The following ESRRB variants were observed in gnomAD, a reference collection of about 807,000 sequenced individuals.
ESRRB encodes steroid hormone receptor ERR2.
Under a neutral mutation model 46.0 loss-of-function variants are expected in ESRRB, and 16 were observed. The observed-to-expected ratio is 0.35, with a 90% CI of 0.24 to 0.53. ESRRB has a LOEUF of 0.53. ESRRB is among the 20% of genes least tolerant of loss of function. The pLI, the probability that ESRRB is intolerant of heterozygous loss-of-function variation, is 0.93. For missense variants in ESRRB, 488 were observed against 607.4 expected, an observed-to-expected ratio of 0.80 and a Z score of 2.07; for synonymous variants, 246 against 259.6, an observed-to-expected ratio of 0.95 and a Z score of 0.50.
chr14:76,333,440 GATATATAAGTATATC>G (rs1345947180), intron 1 of ESRRB, among the ~76,000 whole-genome samples: 1 of 87,736 alleles, frequency 1.1e-5, no homozygotes, highest in African/African-American at 5.6e-5. Flanking sequence ...ATTTATATAT[GATATATAAGTATATC>G]ATATATAAAT....
intron 1 of ESRRB, among the ~76,000 whole-genome samples, chr14:76,312,478 G>A (rs1049158209): frequency 2.0e-5 from 3 of 151,566 alleles, no homozygotes; most frequent in African/African-American, 7.3e-5. Context: ...GAAGGCAAAC[G>A]TCCCATGTTC....
At chr14:76,329,865 G>A (rs1262674299) in intron 1 of ESRRB, among the ~76,000 whole-genome samples, 1 of 152,064 alleles carries the variant, frequency 6.6e-6, no homozygotes, top group Non-Finnish European at 1.5e-5. Flanking sequence ...CAGCGGCTAG[G>A]GATGTGCGGG....
At chr14:76,462,880 C>G (rs1303511548) in intron 3 of ESRRB, among the ~76,000 whole-genome samples, 2 of 152,142 alleles carry the variant, frequency 1.3e-5, no homozygotes, top group African/African-American at 4.8e-5. Context: ...AGGATCCTTC[C>G]GAACCCCTGA....
At chr14:76,336,644 C>T (rs565700185) in intron 1 of ESRRB, among the ~76,000 whole-genome samples, 2 of 152,258 alleles carry the variant, frequency 1.3e-5, no homozygotes, top group Admixed American at 6.5e-5. Flanking sequence ...CCCCAGGATC[C>T]CCAGGGCAAA....
chr14:76,405,093 T>C (rs922985835), intron 1 of ESRRB, among the ~76,000 whole-genome samples: 10 of 152,134 alleles, frequency 6.6e-5, no homozygotes, highest in Admixed American at 5.9e-4. Flanking sequence ...GATTTTGTTT[T>C]TGTCTTTGTT....
Position 76,347,028 on chromosome 14 carries a change from A to G in ESRRB, c.2+36112A>G, listed in dbSNP as rs572532184. On this transcript the variant is annotated intron_variant, in intron 1 of 6. Transcript: ENST00000512784. ...GAGCCAGGCCAAGGCTGGGACCCAG[A>G]TGCCACTATGGGGGCTGTAGCAGGA... Among the ~76,000 whole-genome samples, 13 of 152,276 alleles carry G rather than the reference A, an allele frequency of 8.5e-5. No homozygotes were observed. In the East Asian group the frequency reaches 9.7e-4, roughly 11 times the overall value.
At chr14:76,461,872 C>T (rs10136810) in intron 2 of ESRRB, among the ~76,000 whole-genome samples, 59,556 of 151,936 alleles carry the variant, frequency 0.39, 12,847 homozygotes, top group African/African-American at 0.57. Context: ...AGATTCCCTC[C>T]GCTGAATGAA....
At chr14:76,492,112 A>T (rs1381168678) in intron 6 of ESRRB, among the ~76,000 whole-genome samples, 1 of 152,242 alleles carries the variant, frequency 6.6e-6, no homozygotes, top group African/African-American at 2.4e-5. Flanking sequence ...ATTTCTTTAT[A>T]CATAATTATA....
intron 3 of ESRRB, among the ~76,000 whole-genome samples, chr14:76,470,448 A>G (rs1309426348): frequency 6.6e-6 from 1 of 152,178 alleles, no homozygotes; most frequent in African/African-American, 2.4e-5. Flanking sequence ...TGTGGACCCC[A>G]GTTCTTCCCA....
At chr14:76,323,393 T>C (rs945251166) in intron 1 of ESRRB, among the ~76,000 whole-genome samples, 2 of 151,738 alleles carry the variant, frequency 1.3e-5, no homozygotes, top group African/African-American at 2.4e-5. Flanking sequence ...GACTGCAGCA[T>C]TGACCTCTTG....
upstream of ESRRB, among the ~76,000 whole-genome samples, chr14:76,374,773 T>A (rs1884706325): frequency 6.6e-6 from 1 of 152,150 alleles, no homozygotes; most frequent in Admixed American, 6.5e-5. Flanking sequence ...TCTTCATCCA[T>A]CTCTCTGTGA....
At chr14:76,453,242 C>T (rs1161616351) in intron 2 of ESRRB, among the ~76,000 whole-genome samples, 2 of 152,222 alleles carry the variant, frequency 1.3e-5, no homozygotes, top group East Asian at 1.9e-4. Flanking sequence ...TGCCATATTT[C>T]ATCAGTTCTA....
At chr14:76,409,850 G>A (rs1886358032) in intron 1 of ESRRB, among the ~76,000 whole-genome samples, 1 of 152,144 alleles carries the variant, frequency 6.6e-6, no homozygotes, top group African/African-American at 2.4e-5. Flanking sequence ...TGCAGGTCCT[G>A]GAGTATAAAC....
intron 1 of ESRRB, among the ~76,000 whole-genome samples, chr14:76,415,553 A>C (rs149779351): frequency 6.6e-6 from 1 of 152,184 alleles, no homozygotes; most frequent in African/African-American, 2.4e-5. Flanking sequence ...CCAGCTACTC[A>C]GGAGGCTGAG....
intron 1 of ESRRB, among the ~76,000 whole-genome samples, chr14:76,416,394 G>C (rs1886701746): frequency 6.6e-6 from 1 of 152,044 alleles, no homozygotes; most frequent in Admixed American, 6.5e-5. Context: ...AAAGTGCTGG[G>C]ATTACAGGCA....
At chr14:76,311,484 G>A (rs1430888728) in intron 1 of ESRRB, among the ~76,000 whole-genome samples, 2 of 152,154 alleles carry the variant, frequency 1.3e-5, no homozygotes, top group Non-Finnish European at 2.9e-5. Flanking sequence ...GCACCTTAAA[G>A]TAAATGATTT....
chr14:76,462,993 C>T (rs1888937136), intron 3 of ESRRB, among the ~76,000 whole-genome samples: 1 of 152,310 alleles, frequency 6.6e-6, no homozygotes, highest in South Asian at 2.1e-4. Context: ...GCTGTTATAT[C>T]ACCTAGCACC....
At chr14:76,442,916 G>A (rs1049865260) in intron 2 of ESRRB, among the ~76,000 whole-genome samples, 1 of 149,848 alleles carries the variant, frequency 6.7e-6, no homozygotes, top group South Asian at 2.1e-4. Flanking sequence ...CTGGGTTCAA[G>A]TGATTCTCCT....
At chr14:76,347,447 C>CA (rs1884266119) in intron 1 of ESRRB, among the ~76,000 whole-genome samples, 3 of 7,682 alleles carry the variant, frequency 3.9e-4, no homozygotes, top group African/African-American at 6.4e-4. Context: ...CACACACACA[C>CA]CGAGAAAACT....
Sources: gnomAD v4.1 joint callset for allele counts (sites outside exome capture counted in the v4.1 genomes callset) on GRCh38, gnomAD v4.1.1 for gene constraint, MANE v1.5 for transcripts, NCBI Gene and HGNC (gene_info 2026-07-23, HGNC 2026-07-21) for gene names.